JARID2: variants seen among roughly 807,000 people sequenced by gnomAD.
The protein encoded by JARID2 is protein Jumonji.
In JARID2, 21 loss-of-function variants were observed where a neutral mutation model predicts 125.6. The ratio of observed to expected loss-of-function variants is 0.17; its 90% CI spans 0.12 to 0.24. The LOEUF (loss-of-function observed/expected upper bound fraction) is 0.24. Among genes scored for constraint, JARID2 ranks in the 10% least tolerant of loss-of-function variants. The pLI is 1.00. For missense variants in JARID2, 1,303 were observed against 1,639.6 expected, an observed-to-expected ratio of 0.79 and a Z score of 3.55; for synonymous variants, 736 against 661.6, an observed-to-expected ratio of 1.11 and a Z score of -1.73.
At chr6:15,513,100 GC>G (rs1771356724) in intron 15 of JARID2, 55 bp downstream of exon 15, 2 of 1,610,090 alleles carry the variant, frequency 1.2e-6, no homozygotes, top group Non-Finnish European at 1.7e-6. Flanking sequence ...CCCTTCGGGG[GC>G]TCACCCCCCG....
intron 1 of JARID2, among the ~76,000 whole-genome samples, chr6:15,292,376 G>C (rs948650231): frequency 6.6e-6 from 1 of 152,030 alleles, no homozygotes; most frequent in Non-Finnish European, 1.5e-5. Flanking sequence ...ATTTTAACAG[G>C]TATGTAATTT....
At chr6:15,332,798 T>A (rs1356477802) in intron 1 of JARID2, among the ~76,000 whole-genome samples, 6 of 152,206 alleles carry the variant, frequency 3.9e-5, no homozygotes, top group African/African-American at 1.2e-4. Flanking sequence ...TAGTTTTCAA[T>A]ACATACATTC....
intron 2 of JARID2, among the ~76,000 whole-genome samples, chr6:15,377,064 A>G (rs1437886213): frequency 2.0e-5 from 3 of 152,224 alleles, no homozygotes; most frequent in Admixed American, 6.5e-5. Flanking sequence ...ATAGTCAGCC[A>G]TCACTCATGT....
Position 15,468,523 on chromosome 6 carries a change from GTT to G in JARID2, c.494-15_494-14del. 1 of 1,605,534 alleles carries G rather than the reference GTT, an allele frequency of 6.2e-7. No individual in the cohort carries two copies. Among genetic ancestry groups the G allele is most frequent in the Non-Finnish European group, 8.5e-7 (1 of 1,175,198 alleles). On this transcript the variant is annotated splice_polypyrimidine_tract_variant and intron_variant, in intron 4 of 17. Transcript: ENST00000341776. The stretch of plus-strand genomic sequence containing the variant: ...GGGTCAAGGCCTGTGTTTATGAGCT[GTT>G]TTTCTTATTCCACCAGGTTCTCCTG...
At chr6:15,479,035 A>G (rs746203657) in intron 5 of JARID2, among the ~76,000 whole-genome samples, 7 of 152,212 alleles carry the variant, frequency 4.6e-5, no homozygotes, top group Non-Finnish European at 8.8e-5. Flanking sequence ...AGTTAACGCC[A>G]TCCTTTTCTG....
chr6:15,327,618 G>A (rs2127450571), intron 1 of JARID2, among the ~76,000 whole-genome samples: 1 of 152,270 alleles, frequency 6.6e-6, no homozygotes, highest in South Asian at 2.1e-4. Context: ...GGGAGGAGTA[G>A]AGAGGACTAA....
chr6:15,517,805 G>C (rs2072821), intron 17 of JARID2, among the ~76,000 whole-genome samples: 35,961 of 152,176 alleles, frequency 0.24, 4,998 homozygotes, highest in East Asian at 0.43. Context: ...GCTCTGAGTG[G>C]CGGAACTCCT....
At chr6:15,435,090 T>C (rs753675790) in intron 3 of JARID2, among the ~76,000 whole-genome samples, 29 of 152,244 alleles carry the variant, frequency 1.9e-4, no homozygotes, top group Non-Finnish European at 3.7e-4. Flanking sequence ...TTGGCTTTTA[T>C]TTGTTTTAAC....
At chr6:15,287,180 C>T (rs11970569) in intron 1 of JARID2, among the ~76,000 whole-genome samples, 7,246 of 152,148 alleles carry the variant, frequency 0.048, 602 homozygotes, top group African/African-American at 0.16. Context: ...CCTCTTGATC[C>T]TTTCTTTCCT....
intron 1 of JARID2, among the ~76,000 whole-genome samples, chr6:15,350,713 C>A (rs1263203594): frequency 1.3e-5 from 2 of 150,280 alleles, no homozygotes; most frequent in Non-Finnish European, 2.9e-5. Context: ...CATTTCAATG[C>A]CAAATCATAG....
chr6:15,297,276 A>G (rs1761448857), intron 1 of JARID2, among the ~76,000 whole-genome samples: 1 of 151,984 alleles, frequency 6.6e-6, no homozygotes, highest in Admixed American at 6.6e-5. Context: ...CAGCCTCCCG[A>G]GTAGCTGGGA....
At chr6:15,422,183 A>T (rs140312598) in intron 3 of JARID2, among the ~76,000 whole-genome samples, 1 of 152,164 alleles carries the variant, frequency 6.6e-6, no homozygotes, top group Admixed American at 6.5e-5. Flanking sequence ...TGTTTCAGGT[A>T]GCTGCTGCAA....
intron 12 of JARID2, 95 bp downstream of exon 12, chr6:15,508,549 C>G: frequency 1.4e-6 from 1 of 738,560 alleles, no homozygotes; most frequent in South Asian, 1.5e-5. Context: ...CCAGGTGGTT[C>G]CACGTGCTTG....
intron 1 of JARID2, among the ~76,000 whole-genome samples, chr6:15,321,159 A>G (rs1015538937): frequency 1.3e-5 from 2 of 152,218 alleles, no homozygotes; most frequent in Non-Finnish European, 2.9e-5. Context: ...ACTCAGTGTT[A>G]TCAATTACAA....
rs371980695 is a variant in JARID2, at chr6:15,515,654, C to CG, written c.3451-1502dup. Among the ~76,000 whole-genome samples, 574 of 151,330 alleles carry CG rather than the reference C, an allele frequency of 3.8e-3. 5 individuals carry two copies. Among genetic ancestry groups the CG allele is most frequent in the African/African-American group, 0.013 (535 of 41,260 alleles). On this transcript the variant is annotated intron_variant, in intron 16 of 17. Transcript: ENST00000341776. Reference sequence around the variant, plus strand: ...ACAAAAAATTAACTGGGTGTGGTGGCGGGGGTATCACTTGAGCCCAGAAGT... The same window carrying CG: ...ACAAAAAATTAACTGGGTGTGGTGGCGGGGGGTATCACTTGAGCCCAGAAGT...
chr6:15,427,525 A>G (rs1374930243), intron 3 of JARID2, among the ~76,000 whole-genome samples: 2 of 152,180 alleles, frequency 1.3e-5, no homozygotes, highest in East Asian at 1.9e-4. Flanking sequence ...TGTGGTTGCC[A>G]TGGAAACTGC....
At chr6:15,475,340 A>G (rs72836347) in intron 5 of JARID2, among the ~76,000 whole-genome samples, 19,365 of 152,246 alleles carry the variant, frequency 0.13, 1,367 homozygotes, top group Non-Finnish European at 0.15. Flanking sequence ...AGGTGCTGTC[A>G]GAAAAGAGGT....
chr6:15,246,312 T>G lies in JARID2; in HGVS notation c.-228T>G, dbSNP rs758388255. On this transcript the variant is annotated 5_prime_UTR_variant, in exon 1 of 18. Coordinates refer to ENST00000341776, the MANE Select transcript of JARID2 (RefSeq NM_004973.4). ...ATTATGAGTGTTTTACTAAAGTGAA[T>G]TTTTTTTTGTTTGCTTCGTTCGTCT... The G allele has an allele frequency of 9.0e-5, 47 of 524,930 alleles. No homozygotes were observed. The highest frequency in any genetic ancestry group is 1.4e-4 in the Non-Finnish European group (42 of 296,488). The allele number at this position is 524,930 out of a possible 1,614,324, so 32.5% of individuals were successfully genotyped here. A position where few individuals can be genotyped will look rare whatever the true frequency, so the allele number is the denominator to read the frequency against.
chr6:15,387,129 T>C (rs1032208050), intron 2 of JARID2, among the ~76,000 whole-genome samples: 2 of 152,232 alleles, frequency 1.3e-5, no homozygotes, highest in African/African-American at 4.8e-5. Context: ...AGGCACTCTA[T>C]AGAGACATCT....
Sources: gnomAD v4.1 joint callset for allele counts (sites outside exome capture counted in the v4.1 genomes callset) on GRCh38, gnomAD v4.1.1 for gene constraint, MANE v1.5 for transcripts, NCBI Gene and HGNC (gene_info 2026-07-23, HGNC 2026-07-21) for gene names.